Variants in DPYD observed in about 807,000 individuals in gnomAD.
DPYD encodes dihydropyrimidine dehydrogenase [NADP(+)].
DPYD carries 109 observed loss-of-function variants against 116.2 expected under a neutral mutation model. That is an observed-to-expected ratio of 0.94 (90% CI 0.80 to 1.10). The LOEUF is 1.10. Ranked by LOEUF, DPYD falls within the 50% of genes least tolerant of loss-of-function variation. The pLI is 0.00. For missense variants in DPYD, 1,302 were observed against 1,254.5 expected, an observed-to-expected ratio of 1.04 and a Z score of -0.57; for synonymous variants, 440 against 432.0, an observed-to-expected ratio of 1.02 and a Z score of -0.23.
At chr1:97,659,253 G>C (rs935257491) in intron 8 of DPYD, among the ~76,000 whole-genome samples, 1 of 152,118 alleles carries the variant, frequency 6.6e-6, no homozygotes, top group African/African-American at 2.4e-5. Context: ...GTAATAACAG[G>C]TACCTAGACA....
intron 14 of DPYD, chr1:97,419,891 C>A (rs2101693724): frequency 6.6e-6 from 1 of 152,314 alleles, no homozygotes; most frequent in South Asian, 2.1e-4. Context: ...ATCCTACTAA[C>A]AGATTCTGAC....
At chr1:97,710,703 G>A (rs1662232829) in intron 5 of DPYD, among the ~76,000 whole-genome samples, 1 of 150,870 alleles carries the variant, frequency 6.6e-6, no homozygotes, top group African/African-American at 2.4e-5. Flanking sequence ...TACCTCCTAT[G>A]TCCTAGACAC....
At chr1:97,484,015 T>C (rs539005028) in intron 13 of DPYD, among the ~76,000 whole-genome samples, 7 of 152,236 alleles carry the variant, frequency 4.6e-5, no homozygotes, top group African/African-American at 1.7e-4. Context: ...AAACTAAAAA[T>C]AATTTCCAAC....
chr1:97,179,645 A>G (rs1657515191), intron 20 of DPYD, among the ~76,000 whole-genome samples: 1 of 152,082 alleles, frequency 6.6e-6, no homozygotes, highest in Non-Finnish European at 1.5e-5. Context: ...CCAGTCTATA[A>G]GGCACTTCAT....
At chr1:97,505,647 T>C (rs953734130) in intron 13 of DPYD, among the ~76,000 whole-genome samples, 1 of 151,782 alleles carries the variant, frequency 6.6e-6, no homozygotes, top group African/African-American at 2.4e-5. Context: ...CTAAAGTGAA[T>C]ACCATACATT....
chr1:97,694,967 A>G (rs1231660892), intron 6 of DPYD, among the ~76,000 whole-genome samples: 3 of 152,332 alleles, frequency 2.0e-5, no homozygotes, highest in Middle Eastern at 6.8e-3. Flanking sequence ...TTTAATAAAC[A>G]TTGTGTTCTA....
chr1:97,496,773 T>C (rs1489002354), intron 13 of DPYD, among the ~76,000 whole-genome samples: 1 of 151,930 alleles, frequency 6.6e-6, no homozygotes, highest in Admixed American at 6.6e-5. Context: ...TTTCTAATTC[T>C]CTCATAGCAT....
At chr1:97,684,196 CT>C (rs1212599556) in intron 7 of DPYD, among the ~76,000 whole-genome samples, 39 of 152,192 alleles carry the variant, frequency 2.6e-4, no homozygotes, top group Non-Finnish European at 4.4e-4. Flanking sequence ...CCTCTTAACA[CT>C]GCTTTAGCAG....
intron 20 of DPYD, among the ~76,000 whole-genome samples, chr1:97,141,919 T>A (rs532130394): frequency 6.6e-6 from 1 of 152,196 alleles, no homozygotes; most frequent in South Asian, 2.1e-4. Context: ...GCAGTACATA[T>A]CCACAGCCTC....
chr1:97,525,789 A>AGAGAGAGAGAGAGAGAGT (rs1431555133), intron 12 of DPYD, among the ~76,000 whole-genome samples: 53 of 142,696 alleles, frequency 3.7e-4, no homozygotes, highest in African/African-American at 7.5e-4. Flanking sequence ...AGAGAGAGAG[A>AGAGAGAGAGAGAGAGAGT]GTGTGTGTGT....
At chr1:97,147,376 A>G (rs1287723464) in intron 20 of DPYD, among the ~76,000 whole-genome samples, 1 of 152,142 alleles carries the variant, frequency 6.6e-6, no homozygotes, top group African/African-American at 2.4e-5. Flanking sequence ...AAACGAACAA[A>G]CAAACAAAAA....
chr1:97,859,380 T>G (rs974979008), intron 2 of DPYD, among the ~76,000 whole-genome samples: 1 of 152,120 alleles, frequency 6.6e-6, no homozygotes, highest in Non-Finnish European at 1.5e-5. Flanking sequence ...TCCTTATCTA[T>G]AAAGAACATC....
At chr1:97,724,296 GGGGGGGGGGGGGTGTGTGTGTGTGTGT>G (rs59565222) in intron 4 of DPYD, among the ~76,000 whole-genome samples, 79,217 of 137,808 alleles carry the variant, frequency 0.57, 23,688 homozygotes, top group East Asian at 0.68. Context: ...ATGTATGTGG[GGGGGGGGGGGGGTGTGTGTGTGTGTGT>G]GTGTGTGTGT....
intron 3 of DPYD, among the ~76,000 whole-genome samples, chr1:97,776,967 C>A (rs539189309): frequency 2.0e-5 from 3 of 152,106 alleles, no homozygotes; most frequent in Admixed American, 1.3e-4. Flanking sequence ...AAGCTACAAA[C>A]GTGAGTTTTA....
chr1:97,500,483 T>A (rs1347175480), intron 13 of DPYD, among the ~76,000 whole-genome samples: 1 of 152,002 alleles, frequency 6.6e-6, no homozygotes, highest in Admixed American at 6.6e-5. Flanking sequence ...TTCTAATCAG[T>A]CATTTTGTTA....
At chr1:97,894,470 C>A (rs1672949967) in intron 1 of DPYD, among the ~76,000 whole-genome samples, 1 of 151,734 alleles carries the variant, frequency 6.6e-6, no homozygotes, top group African/African-American at 2.4e-5. Context: ...TTAAAGTCAC[C>A]TTTAGCCTAA....
intron 18 of DPYD, among the ~76,000 whole-genome samples, chr1:97,238,486 G>A (rs505864): frequency 0.6 from 91,461 of 151,954 alleles, 27,700 homozygotes; most frequent in East Asian, 0.72. Flanking sequence ...AAATTGCTAT[G>A]TAGAATTTAT....
At chr1:97,559,165 C>T (rs905924743) in intron 11 of DPYD, among the ~76,000 whole-genome samples, 8 of 151,926 alleles carry the variant, frequency 5.3e-5, no homozygotes, top group African/African-American at 1.9e-4. Flanking sequence ...TTGTATACTT[C>T]TCAGCAAACA....
At chr1:97,481,473 T>C (rs1476331166) in intron 13 of DPYD, among the ~76,000 whole-genome samples, 3 of 152,050 alleles carry the variant, frequency 2.0e-5, no homozygotes, top group Non-Finnish European at 4.4e-5. Flanking sequence ...AATTATAGTA[T>C]AGGAAACAAA....
Sources: allele counts gnomAD v4.1 joint callset (sites outside exome capture counted in the v4.1 genomes callset), GRCh38; gene constraint gnomAD v4.1.1; transcripts MANE v1.5; gene names NCBI Gene and HGNC (gene_info 2026-07-23, HGNC 2026-07-21).